The following SNRNP40 variants were observed in gnomAD, a reference collection of about 807,000 sequenced individuals.
The protein encoded by SNRNP40 is U5 small nuclear ribonucleoprotein 40 kDa protein.
Under a neutral mutation model 45.8 loss-of-function variants are expected in SNRNP40, and 21 were observed. The observed-to-expected ratio is 0.46, with a 90% CI of 0.32 to 0.66. The LOEUF (loss-of-function observed/expected upper bound fraction) is 0.66. Among genes scored for constraint, SNRNP40 ranks in the 30% least tolerant of loss-of-function variants. SNRNP40 has a pLI of 0.03. For synonymous variants in SNRNP40, 142 were observed against 163.8 expected (o/e 0.87, Z 1.01); for missense variants, 344 against 439.1 (o/e 0.78, Z 1.94).
At chr1:31,292,271 A>G (rs1357336287) in intron 2 of SNRNP40, among the ~76,000 whole-genome samples, 2 of 152,200 alleles carry the variant, frequency 1.3e-5, no homozygotes, top group Non-Finnish European at 2.9e-5. Flanking sequence ...CTGAGGCAGG[A>G]GAATCACTTG....
intron 7 of SNRNP40, 26 bp from the exon 8 acceptor site, chr1:31,267,958 T>TA (rs1371259308): frequency 1.9e-6 from 3 of 1,550,858 alleles, no homozygotes; most frequent in Non-Finnish European, 2.7e-6. Context: ...ATCCACTGAA[T>TA]AGTAATATAC....
intron 3 of SNRNP40, among the ~76,000 whole-genome samples, 179 bp downstream of exon 3, chr1:31,291,734 A>G (rs950495283): frequency 6.6e-6 from 1 of 152,234 alleles, no homozygotes; most frequent in African/African-American, 2.4e-5. Context: ...TAACATCTTT[A>G]TATTTGCATA....
chr1:31,294,668 G>A (rs554325767), intron 1 of SNRNP40, among the ~76,000 whole-genome samples: 16 of 152,150 alleles, frequency 1.1e-4, no homozygotes, highest in South Asian at 2.1e-4. Context: ...GGCTGGGCGC[G>A]GTGGCTCACA....
intron 7 of SNRNP40, among the ~76,000 whole-genome samples, chr1:31,268,652 G>C (rs1186662680): frequency 6.6e-6 from 1 of 152,156 alleles, no homozygotes; most frequent in African/African-American, 2.4e-5. Context: ...AATTCTCTGA[G>C]GGGAAAAGCT....
chr1:31,280,121 A>G (rs1239792940), intron 5 of SNRNP40, among the ~76,000 whole-genome samples: 1 of 150,762 alleles, frequency 6.6e-6, no homozygotes, highest in East Asian at 2.0e-4. Flanking sequence ...CTCAAAAAAA[A>G]AAAAAAAAAA....
chr1:31,265,733 G>A (rs12033770), intron 8 of SNRNP40, among the ~76,000 whole-genome samples: 29,862 of 151,976 alleles, frequency 0.2, 3,575 homozygotes, highest in East Asian at 0.47. Context: ...CCAGCTACTC[G>A]GGAGTCTGAG....
intron 7 of SNRNP40, among the ~76,000 whole-genome samples, chr1:31,268,362 A>G (rs568640425): frequency 3.4e-5 from 5 of 148,526 alleles, no homozygotes; most frequent in Admixed American, 2.0e-4. Context: ...AGCTCACTGT[A>G]GTTTTGACCT....
intron 8 of SNRNP40, among the ~76,000 whole-genome samples, chr1:31,267,599 G>A (rs1645908528): frequency 1.3e-5 from 2 of 152,128 alleles, no homozygotes; most frequent in Non-Finnish European, 2.9e-5. Context: ...GCAACGGCGT[G>A]ATCTCGGCTC....
chr1:31,290,740 T>C (rs1263413827), intron 3 of SNRNP40, among the ~76,000 whole-genome samples: 1 of 151,964 alleles, frequency 6.6e-6, no homozygotes, highest in Non-Finnish European at 1.5e-5. Context: ...TAGCCGGGCA[T>C]GGTGGCGGGC....
At chr1:31,277,419 T>C (rs1645983366) in intron 5 of SNRNP40, among the ~76,000 whole-genome samples, 1 of 152,236 alleles carries the variant, frequency 6.6e-6, no homozygotes, top group African/African-American at 2.4e-5. Context: ...TTAATTGTAA[T>C]TAATTGTTAA....
intron 8 of SNRNP40, among the ~76,000 whole-genome samples, chr1:31,266,809 G>C (rs1051686030): frequency 6.6e-6 from 1 of 152,200 alleles, no homozygotes; most frequent in Admixed American, 6.6e-5. Context: ...TCTTCAGCTA[G>C]GAATTCATTC....
intron 6 of SNRNP40, among the ~76,000 whole-genome samples, chr1:31,270,519 A>G (rs920475865): frequency 6.6e-6 from 1 of 152,202 alleles, no homozygotes; most frequent in Non-Finnish European, 1.5e-5. Flanking sequence ...TTGTAACTGA[A>G]GCTATACCTA....
chr1:31,291,845 G>A, intron 3 of SNRNP40, 68 bp downstream of exon 3: 3 of 1,105,730 alleles, frequency 2.7e-6, no homozygotes, highest in Non-Finnish European at 1.4e-6. Flanking sequence ...TCCTGAGAAA[G>A]GATGAAAGGT....
At chr1:31,282,574 T>C (rs1646025846) in intron 4 of SNRNP40, 1 of 140,902 alleles carries the variant, frequency 7.1e-6, no homozygotes, top group Non-Finnish European at 1.6e-5. Context: ...TATCTATCTA[T>C]CTATCTATCT....
chr1:31,269,011 AT>A, intron 7 of SNRNP40, 146 bp downstream of exon 7: 1 of 707,208 alleles, frequency 1.4e-6, no homozygotes, highest in African/African-American at 1.8e-5. Context: ...TATCCGTTTT[AT>A]TTTTGGCAAC....
rs532159864 is a variant in SNRNP40, at chr1:31,261,584, C to A, written c.969G>T (p.Leu323=). Residue 323 remains leucine, a synonymous_variant, in exon 9 of 10, where the codon CTG becomes CTT. Coordinates refer to ENST00000263694, the MANE Select transcript of SNRNP40 (RefSeq NM_004814.3). ...CATTGATGGAGCCAGCATGGCCGGG[C>A]AGCTTATACAATATTCTCCTGCTTG... ...DTTSRRILYK[L]PGHAGSINEV... 6.2e-7 allele frequency: 1 copy of A among 1,614,072 alleles called. No individual in the cohort carries two copies. Among genetic ancestry groups the A allele is most frequent in the Non-Finnish European group, 8.5e-7 (1 of 1,179,972 alleles).
chr1:31,263,468 C>T (rs1014877666), intron 8 of SNRNP40: 2 of 242,146 alleles, frequency 8.3e-6, no homozygotes, highest in South Asian at 7.8e-5. Flanking sequence ...CATGAGCCAC[C>T]ATGCGTGGCA....
chr1:31,287,171 A>G (rs1353660886), intron 4 of SNRNP40, among the ~76,000 whole-genome samples: 1 of 152,202 alleles, frequency 6.6e-6, no homozygotes, highest in Non-Finnish European at 1.5e-5. Flanking sequence ...CAACCTAGTA[A>G]CAAAAATACA....
chr1:31,259,852 A>T lies in SNRNP40; in HGVS notation c.*220T>A. 1.4e-6 allele frequency: 1 copy of T among 694,540 alleles called. No homozygotes were observed. Among genetic ancestry groups the T allele is most frequent in the East Asian group, 2.7e-5 (1 of 36,702 alleles). The allele number at this position is 694,540 out of a possible 1,614,324, so 43.0% of individuals were successfully genotyped here. A position where few individuals can be genotyped will look rare whatever the true frequency, so the allele number is the denominator to read the frequency against. ...AAAGAAAAAAAAAAACAGTCCCTGA[A>T]ATCTGGCAGGTGGTTTTTAGAGGCC... On this transcript the variant is annotated 3_prime_UTR_variant, in exon 10 of 10. Coordinates refer to ENST00000263694, the MANE Select transcript of SNRNP40 (RefSeq NM_004814.3).
Sources: gnomAD v4.1 joint callset for allele counts (sites outside exome capture counted in the v4.1 genomes callset) on GRCh38, gnomAD v4.1.1 for gene constraint, MANE v1.5 for transcripts, NCBI Gene and HGNC (gene_info 2026-07-23, HGNC 2026-07-21) for gene names.